The following DNAH9 variants were observed in gnomAD, a reference collection of about 807,000 sequenced individuals.
DNAH9 encodes the protein dynein axonemal heavy chain 9.
Under a neutral mutation model 471.6 loss-of-function variants are expected in DNAH9, and 345 were observed. That is an observed-to-expected ratio of 0.73 (90% confidence interval 0.67 to 0.80). The LOEUF is 0.80. Ranked by LOEUF, DNAH9 falls within the 30% of genes least tolerant of loss-of-function variation. The probability of loss-of-function intolerance (pLI) is 0.00; values close to 1 mark genes in which losing one functional copy is unlikely to be tolerated. For missense variants in DNAH9, 5,407 were observed against 5,609.2 expected, an observed-to-expected ratio of 0.96 and a Z score of 1.15; for synonymous variants, 2,093 against 2,123.6, an observed-to-expected ratio of 0.99 and a Z score of 0.40.
intron 57 of DNAH9, among the ~76,000 whole-genome samples, chr17:11,890,106 A>G (rs1740534262): frequency 6.6e-6 from 1 of 152,232 alleles, no homozygotes; most frequent in South Asian, 2.1e-4. Flanking sequence ...CACTTTGTTT[A>G]AACTTAAATA....
At chr17:11,742,949 C>T (rs1437534721) in intron 30 of DNAH9, among the ~76,000 whole-genome samples, 1 of 152,164 alleles carries the variant, frequency 6.6e-6, no homozygotes, top group African/African-American at 2.4e-5. Context: ...TCCTGTTTTC[C>T]TCATACTACT....
chr17:11,954,341 C>T (rs1567574094), intron 67 of DNAH9, among the ~76,000 whole-genome samples: 1 of 152,050 alleles, frequency 6.6e-6, no homozygotes, highest in Non-Finnish European at 1.5e-5. Flanking sequence ...CAACAAGCCC[C>T]ATGCAGAATA....
chr17:11,804,735 G>A (rs181721832), intron 43 of DNAH9, among the ~76,000 whole-genome samples: 5 of 152,066 alleles, frequency 3.3e-5, no homozygotes, highest in East Asian at 1.9e-4. Context: ...TTAGCCGAGC[G>A]TGGTGGCAGG....
chr17:11,883,534 G>A lies in DNAH9; in HGVS notation c.10807-52G>A, dbSNP rs908715817. On this transcript the variant is annotated intron_variant, in intron 55 of 68. Coordinates refer to ENST00000262442, the MANE Select transcript of DNAH9 (RefSeq NM_001372.4). The stretch of plus-strand genomic sequence containing the variant: ...CGCCCTATTCAGACACATCCTTAGA[G>A]CAGGATGCCCTGGGCATCTGCACCT... The A allele has an allele frequency of 3.8e-6, 6 of 1,596,530 alleles. No homozygotes were observed. The Admixed American group carries it at 8.4e-5, about 22-fold the overall frequency.
intron 26 of DNAH9, among the ~76,000 whole-genome samples, chr17:11,707,820 C>G (rs1369142680): frequency 6.6e-6 from 1 of 152,060 alleles, no homozygotes; most frequent in Non-Finnish European, 1.5e-5. Flanking sequence ...ACCTCAGCAC[C>G]TGCACACACA....
intron 9 of DNAH9, among the ~76,000 whole-genome samples, chr17:11,638,018 C>T (rs1218033372): frequency 6.6e-6 from 1 of 152,122 alleles, no homozygotes; most frequent in Non-Finnish European, 1.5e-5. Flanking sequence ...TGCCTGTAGC[C>T]AAACAAGGTG....
intron 14 of DNAH9, among the ~76,000 whole-genome samples, chr17:11,656,437 A>G (rs1309617720): frequency 1.3e-5 from 2 of 151,990 alleles, no homozygotes; most frequent in Admixed American, 6.6e-5. Context: ...CTGATTTGCT[A>G]TAACTAGATT....
At chr17:11,655,113 A>G (rs903382145) in intron 14 of DNAH9, among the ~76,000 whole-genome samples, 2 of 152,124 alleles carry the variant, frequency 1.3e-5, no homozygotes, top group Admixed American at 1.3e-4. Context: ...CACTGTACCC[A>G]GTGTGTAGTC....
intron 3 of DNAH9, among the ~76,000 whole-genome samples, chr17:11,610,766 T>C (rs1187825119): frequency 6.6e-6 from 1 of 152,256 alleles, no homozygotes; most frequent in Non-Finnish European, 1.5e-5. Flanking sequence ...AATAATCATT[T>C]TTCCTTTCCT....
chr17:11,682,857 ACTC>A (rs2074158923), intron 19 of DNAH9, among the ~76,000 whole-genome samples: 1 of 152,106 alleles, frequency 6.6e-6, no homozygotes, highest in Non-Finnish European at 1.5e-5. Context: ...GAGGAATGTA[ACTC>A]CTAAGTCTGT....
intron 53 of DNAH9, 114 bp downstream of exon 53, chr17:11,875,298 A>G: frequency 3.8e-6 from 3 of 797,238 alleles, no homozygotes; most frequent in Middle Eastern, 4.7e-4. Flanking sequence ...TCTCTCCATC[A>G]GGCTTCTCAC....
chr17:11,883,831 C>A, intron 56 of DNAH9, 81 bp downstream of exon 56: 1 of 1,445,928 alleles, frequency 6.9e-7, no homozygotes, highest in Non-Finnish European at 9.3e-7. Context: ...GACAATGAGT[C>A]TGACTTTTAG....
intron 4 of DNAH9, chr17:11,612,169 A>G (rs1201083189): frequency 8.3e-6 from 4 of 483,436 alleles, no homozygotes; most frequent in Non-Finnish European, 1.5e-5. Flanking sequence ...GCCAGGACAT[A>G]CAGTTCTGGG....
chr17:11,726,504 C>T lies in DNAH9; in HGVS notation c.5710-1314C>T, dbSNP rs139451237. On this transcript the variant is annotated intron_variant, in intron 27 of 68. Coordinates refer to ENST00000262442, the MANE Select transcript of DNAH9 (RefSeq NM_001372.4). ...CAGGCCTGTGGTTCCGCGGAATAAA[C>T]TTTGTGAAGTACTGTTGTGCTGCCA... 1.4e-4 allele frequency among the ~76,000 whole-genome samples: 22 copies of T among 152,296 alleles called. No homozygotes were observed. The East Asian group carries it at 4.2e-3, about 29-fold the overall frequency.
intron 26 of DNAH9, among the ~76,000 whole-genome samples, chr17:11,706,071 T>A (rs1420607734): frequency 6.6e-6 from 1 of 152,148 alleles, no homozygotes; most frequent in Non-Finnish European, 1.5e-5. Flanking sequence ...TATTTTGCTT[T>A]CCAGGCATAT....
At chr17:11,670,552 T>C (rs1299823428) in intron 17 of DNAH9, among the ~76,000 whole-genome samples, 1 of 152,144 alleles carries the variant, frequency 6.6e-6, no homozygotes, top group Non-Finnish European at 1.5e-5. Context: ...CTGGTTTTGC[T>C]TAATGCTGCC....
Position 11,883,757 on chromosome 17 carries a change from C to T in DNAH9, c.10971+7C>T, listed in dbSNP as rs187682289. ...TGCCGAAGTTGAGAAAAAGGTAAAACTCCTCTGGCTAGTCTGGGAAGGCAG... is the reference window on the plus strand; with the variant it reads ...TGCCGAAGTTGAGAAAAAGGTAAAATTCCTCTGGCTAGTCTGGGAAGGCAG... On this transcript the variant is annotated splice_region_variant and intron_variant, in intron 56 of 68. Transcript: ENST00000262442. The T allele has an allele frequency of 2.4e-5, 38 of 1,607,704 alleles. No individual in the cohort carries two copies. The East Asian group carries it at 8.2e-4, about 35-fold the overall frequency.
intron 41 of DNAH9, among the ~76,000 whole-genome samples, chr17:11,791,998 G>A (rs1036203660): frequency 1.3e-5 from 2 of 152,098 alleles, no homozygotes; most frequent in Admixed American, 1.3e-4. Context: ...GTGATCATGA[G>A]GGGCTGGGCA....
chr17:11,611,045 A>ATTGCCC lies in DNAH9; in HGVS notation c.773+495_773+496insCCTTGC, dbSNP rs1035525449. 3.9e-4 allele frequency among the ~76,000 whole-genome samples: 17 copies of ATTGCCC among 43,630 alleles called. No individual in the cohort carries two copies. In the Admixed American group the frequency reaches 5.7e-3, roughly 15 times the overall value. The allele number at this position is 43,630 out of a possible 152,430, so 28.6% of individuals were successfully genotyped here. On this transcript the variant is annotated intron_variant, in intron 3 of 68. Coordinates refer to ENST00000262442, the MANE Select transcript of DNAH9 (RefSeq NM_001372.4). ...GGTGTTTGTCCAGAAAGGCTTCATT[A>ATTGCCC]TTGCTCCTGCTCCTGCTCCTGCTCC...
Sources: allele counts gnomAD v4.1 joint callset (sites outside exome capture counted in the v4.1 genomes callset), GRCh38; gene constraint gnomAD v4.1.1; transcripts MANE v1.5; gene names NCBI Gene and HGNC (gene_info 2026-07-23, HGNC 2026-07-21).